The following CSNK1G3 variants were observed in gnomAD, a reference collection of about 807,000 sequenced individuals.
The protein encoded by CSNK1G3 is casein kinase 1 gamma 3, also known as casein kinase I isoform gamma-3.
In CSNK1G3, 23 loss-of-function variants were observed where a neutral mutation model predicts 64.3. The observed-to-expected ratio is 0.36, with a 90% confidence interval of 0.26 to 0.51. The LOEUF (loss-of-function observed/expected upper bound fraction) is 0.51. Ranked by LOEUF, CSNK1G3 falls within the 20% of genes least tolerant of loss-of-function variation. The pLI, the probability that CSNK1G3 is intolerant of heterozygous loss-of-function variation, is 0.96. For missense variants in CSNK1G3, 357 were observed against 510.5 expected (o/e 0.70, Z 2.90); for synonymous variants, 158 against 162.2 (o/e 0.97, Z 0.20).
intron 2 of CSNK1G3, among the ~76,000 whole-genome samples, chr5:123,547,599 G>A (rs1782779893): frequency 6.6e-6 from 1 of 152,102 alleles, no homozygotes; most frequent in Non-Finnish European, 1.5e-5. Flanking sequence ...TTTGTAGTCT[G>A]TGAATAAGCA....
At chr5:123,523,876 G>A (rs1381451612) in intron 1 of CSNK1G3, among the ~76,000 whole-genome samples, 2 of 152,176 alleles carry the variant, frequency 1.3e-5, no homozygotes, top group African/African-American at 4.8e-5. Context: ...AATAGCAAAT[G>A]TTTGATTATA....
chr5:123,565,637 A>G (rs556402906), intron 4 of CSNK1G3, among the ~76,000 whole-genome samples: 1 of 152,192 alleles, frequency 6.6e-6, no homozygotes, highest in African/African-American at 2.4e-5. Flanking sequence ...GTAATTTATA[A>G]GAAAAGAGGT....
At chr5:123,562,932 G>A (rs1786062924) in intron 4 of CSNK1G3, among the ~76,000 whole-genome samples, 1 of 151,926 alleles carries the variant, frequency 6.6e-6, no homozygotes, top group African/African-American at 2.4e-5. Context: ...TATCTGAATT[G>A]TTGATATTTC....
intron 1 of CSNK1G3, among the ~76,000 whole-genome samples, chr5:123,527,230 T>G (rs1779249607): frequency 6.6e-6 from 1 of 152,212 alleles, no homozygotes; most frequent in Non-Finnish European, 1.5e-5. Flanking sequence ...GTTCTGGAAC[T>G]ATTATTTCTT....
At chr5:123,588,152 A>G in exon 7 of CSNK1G3, 1 of 1,591,638 alleles carries the variant, frequency 6.3e-7, no homozygotes, top group African/African-American at 1.3e-5. Context: ...CAAGGCTTAA[A>G]GGTAATTGTT....
chr5:123,602,978 G>A (rs192578359), intron 10 of CSNK1G3, among the ~76,000 whole-genome samples: 31 of 152,152 alleles, frequency 2.0e-4, no homozygotes, highest in Admixed American at 1.9e-3. Context: ...AGAACACTGA[G>A]GTTTAGCAAG....
chr5:123,614,500 C>A, exon 13 of CSNK1G3: 2 of 913,210 alleles, frequency 2.2e-6, no homozygotes, highest in South Asian at 2.4e-5. Flanking sequence ...AGGACTCACT[C>A]TTAGAAACAA....
intron 4 of CSNK1G3, among the ~76,000 whole-genome samples, chr5:123,562,211 A>G (rs1785883855): frequency 6.6e-6 from 1 of 152,150 alleles, no homozygotes; most frequent in South Asian, 2.1e-4. Flanking sequence ...TCACCTGCTT[A>G]GCAATGCATT....
At chr5:123,587,715 A>G (rs1462086330) in intron 6 of CSNK1G3, among the ~76,000 whole-genome samples, 4 of 152,170 alleles carry the variant, frequency 2.6e-5, no homozygotes, top group African/African-American at 9.6e-5. Context: ...CAGAAGTTTT[A>G]ATACGTTACC....
intron 1 of CSNK1G3, among the ~76,000 whole-genome samples, chr5:123,529,082 T>A (rs1219503918): frequency 6.6e-6 from 1 of 152,212 alleles, no homozygotes; most frequent in African/African-American, 2.4e-5. Context: ...CTAGTGGTCC[T>A]AAGTGCAAGA....
rs139461990 is a variant in CSNK1G3, at chr5:123,523,737, A to G, written c.-248+11167A>G. Among the ~76,000 whole-genome samples the G allele has an allele frequency of 1.3e-3, 204 of 152,328 alleles. 1 individual carries two copies. Among genetic ancestry groups the G allele is most frequent in the African/African-American group, 4.2e-3 (176 of 41,576 alleles). ...TTCTATAGGACCTAATTCCTTTTCA[A>G]CAGTTCTAACATCCACAGCACTCTG... On this transcript the variant is annotated intron_variant, in intron 1 of 12. Coordinates refer to ENST00000345990, the Ensembl canonical transcript of CSNK1G3.
chr5:123,564,079 C>T (rs1279441825), intron 4 of CSNK1G3, among the ~76,000 whole-genome samples: 3 of 152,110 alleles, frequency 2.0e-5, no homozygotes, highest in African/African-American at 7.2e-5. Flanking sequence ...ACAAGTTTTA[C>T]ACTGCTAAAC....
intron 10 of CSNK1G3, among the ~76,000 whole-genome samples, chr5:123,603,093 A>G (rs1338677996): frequency 2.0e-5 from 3 of 152,084 alleles, no homozygotes; most frequent in Non-Finnish European, 4.4e-5. Flanking sequence ...AAGTGATTTG[A>G]TGTACAAGAA....
intron 2 of CSNK1G3, among the ~76,000 whole-genome samples, chr5:123,549,211 A>G (rs1783169309): frequency 6.6e-6 from 1 of 152,228 alleles, no homozygotes; most frequent in African/African-American, 2.4e-5. Context: ...TAGTTTAGGC[A>G]GTCAAACTCC....
intron 2 of CSNK1G3, among the ~76,000 whole-genome samples, chr5:123,552,693 CAT>C (rs1561506254): frequency 1.3e-5 from 2 of 152,098 alleles, no homozygotes; most frequent in African/African-American, 4.8e-5. Context: ...AGTAAGATTA[CAT>C]CTCATAATAA....
At chr5:123,601,767 C>T (rs190114237) in intron 10 of CSNK1G3, among the ~76,000 whole-genome samples, 12 of 152,108 alleles carry the variant, frequency 7.9e-5, no homozygotes, top group Non-Finnish European at 1.2e-4. Context: ...GGTGGCATCC[C>T]GCTAGCTGTC....
rs1021983623 is a variant in CSNK1G3 at position 123,531,119 on chromosome 5, A to G, written c.-247-14298A>G. Among the ~76,000 whole-genome samples, 3 of 152,266 alleles carry G rather than the reference A, an allele frequency of 2.0e-5. No individual in the cohort carries two copies. The East Asian group carries it at 5.8e-4, about 29-fold the overall frequency. On this transcript the variant is annotated intron_variant, in intron 1 of 12. Coordinates refer to ENST00000345990, the Ensembl canonical transcript of CSNK1G3. Reference sequence around the variant, plus strand: ...AAATTTGGAGGTTTTCATTTGAGATAACGAAGCAGTGGGAAATCAATTCTA... The same window carrying G: ...AAATTTGGAGGTTTTCATTTGAGATGACGAAGCAGTGGGAAATCAATTCTA...
intron 5 of CSNK1G3, 81 bp from the exon 6 acceptor site, chr5:123,575,648 A>C (rs1356012800): frequency 5.2e-6 from 4 of 770,266 alleles, no homozygotes; most frequent in Admixed American, 5.2e-5. Context: ...GTATGTTTTC[A>C]TTCTGTCTTG....
intron 9 of CSNK1G3, 37 bp from the exon 10 acceptor site, chr5:123,591,282 A>G: frequency 7.9e-7 from 1 of 1,262,394 alleles, no homozygotes; most frequent in East Asian, 2.6e-5. Context: ...GAATTTTAAA[A>G]TGGAATGTAT....
Sources: allele counts gnomAD v4.1 joint callset (sites outside exome capture counted in the v4.1 genomes callset), GRCh38; gene constraint gnomAD v4.1.1; transcripts MANE v1.5; gene names NCBI Gene and HGNC (gene_info 2026-07-23, HGNC 2026-07-21).